Variants in ICA1L observed in about 807,000 individuals in gnomAD.
The protein encoded by ICA1L is islet cell autoantigen 1 like.
Under a neutral mutation model 61.3 loss-of-function variants are expected in ICA1L, and 50 were observed. That is an observed-to-expected ratio of 0.82 (90% confidence interval 0.65 to 1.03). The LOEUF is 1.03. Ranked by LOEUF, ICA1L falls within the 50% of genes least tolerant of loss-of-function variation. The pLI is 0.00. For synonymous variants in ICA1L, 161 were observed against 191.3 expected (o/e 0.84, Z 1.31); for missense variants, 508 against 556.7 (o/e 0.91, Z 0.88).
intron 1 of ICA1L, among the ~76,000 whole-genome samples, chr2:202,831,749 G>T (rs1478611894): frequency 6.6e-6 from 1 of 152,216 alleles, no homozygotes; most frequent in Non-Finnish European, 1.5e-5. Flanking sequence ...AAGGGAGAAA[G>T]TGACTGGGAG....
intron 9 of ICA1L, among the ~76,000 whole-genome samples, chr2:202,802,192 T>C (rs1693103252): frequency 6.6e-6 from 1 of 152,152 alleles, no homozygotes; most frequent in African/African-American, 2.4e-5. Context: ...CCTCGATGTA[T>C]ACATTAAACA....
intron 1 of ICA1L, among the ~76,000 whole-genome samples, chr2:202,866,666 G>C (rs1240088151): frequency 6.6e-6 from 1 of 152,110 alleles, no homozygotes; most frequent in South Asian, 2.1e-4. Context: ...TAAAACTCCC[G>C]GCGAGGCGCG....
chr2:202,803,569 C>G (rs1213290330), intron 9 of ICA1L, among the ~76,000 whole-genome samples: 1 of 152,118 alleles, frequency 6.6e-6, no homozygotes, highest in East Asian at 1.9e-4. Flanking sequence ...GGTTGTCACT[C>G]TGTCGACCAT....
In ICA1L at chr2:202,788,733, TC is replaced by T. The variant is rs1222110747; in HGVS notation, c.1243+96del. 6 of 1,268,080 alleles carry T rather than the reference TC, an allele frequency of 4.7e-6. No homozygotes were observed. In the African/African-American group the frequency reaches 9.1e-5, roughly 19 times the overall value. 78.6% of individuals were successfully genotyped at this position (1,268,080 alleles called of 1,614,324 possible). A position where few individuals can be genotyped will look rare whatever the true frequency, so the allele number is the denominator to read the frequency against. On this transcript the variant is annotated intron_variant, in intron 11 of 12. Coordinates refer to ENST00000358299, the MANE Select transcript of ICA1L (RefSeq NM_001288622.3). ...TTATCTAGTAGTGCTGACATTAAAA[TC>T]AATCTGCTTGTTGGTTCTAGCATCA...
At chr2:202,836,480 G>A (rs1461392410) in intron 1 of ICA1L, among the ~76,000 whole-genome samples, 1 of 152,100 alleles carries the variant, frequency 6.6e-6, no homozygotes, top group East Asian at 1.9e-4. Flanking sequence ...TGCTTTTCTT[G>A]TACTGTTTTT....
intron 8 of ICA1L, among the ~76,000 whole-genome samples, chr2:202,812,366 C>T (rs978414490): frequency 3.9e-5 from 6 of 152,126 alleles, no homozygotes; most frequent in Admixed American, 1.3e-4. Flanking sequence ...ATCACGAGGT[C>T]AGGAATTCGA....
chr2:202,862,553 T>C (rs1397003056), intron 1 of ICA1L, among the ~76,000 whole-genome samples: 3 of 152,106 alleles, frequency 2.0e-5, no homozygotes, highest in Non-Finnish European at 2.9e-5. Flanking sequence ...TCTAAATAAA[T>C]AGGCCAGGCA....
chr2:202,840,046 CATT>C (rs1042903994), intron 1 of ICA1L, among the ~76,000 whole-genome samples: 3 of 141,922 alleles, frequency 2.1e-5, no homozygotes, highest in Non-Finnish European at 3.0e-5. Flanking sequence ...TTATTGTAGC[CATT>C]ATTATTATTT....
intron 1 of ICA1L, among the ~76,000 whole-genome samples, chr2:202,850,353 C>T (rs1449433485): frequency 6.6e-6 from 1 of 152,108 alleles, no homozygotes; most frequent in Non-Finnish European, 1.5e-5. Flanking sequence ...GCTAAAGGAG[C>T]ATGTTCTAAC....
intron 1 of ICA1L, among the ~76,000 whole-genome samples, chr2:202,850,737 T>G (rs915262716): frequency 6.6e-6 from 1 of 152,154 alleles, no homozygotes; most frequent in East Asian, 1.9e-4. Context: ...CGAGGAGAAC[T>G]TCCCCAACCT....
rs2105809034 is a variant in ICA1L, at chr2:202,776,071, C to G, written c.*3462G>C. 6.6e-6 allele frequency: 1 copy of G among 152,306 alleles called. No individual in the cohort carries two copies. The highest frequency in any genetic ancestry group is 1.9e-4 in the East Asian group (1 of 5,192). 9.4% of individuals were successfully genotyped at this position (152,306 alleles called of 1,614,324 possible). A position where few individuals can be genotyped will look rare whatever the true frequency, so the allele number is the denominator to read the frequency against. On this transcript the variant is annotated 3_prime_UTR_variant, in exon 13 of 13. Transcript: ENST00000358299. ...CTAATGCTGTAAGACCTCTACATTT[C>G]TAGATGGTCTATACAGATACGTGAA...
intron 12 of ICA1L, 101 bp from the exon 13 acceptor site, chr2:202,779,749 G>A: frequency 6.4e-6 from 4 of 622,902 alleles, no homozygotes; most frequent in South Asian, 2.3e-5. Context: ...TTTGGATTAA[G>A]AAAAAATTAA....
intron 11 of ICA1L, among the ~76,000 whole-genome samples, chr2:202,788,118 C>T (rs1435540064): frequency 6.6e-6 from 1 of 152,194 alleles, no homozygotes; most frequent in Non-Finnish European, 1.5e-5. Context: ...GGTTTTATCC[C>T]TGGAAACCAT....
intron 9 of ICA1L, among the ~76,000 whole-genome samples, chr2:202,797,774 G>A (rs895536852): frequency 6.6e-6 from 1 of 152,050 alleles, no homozygotes; most frequent in Non-Finnish European, 1.5e-5. Flanking sequence ...CTCCTGCCTC[G>A]GCCTCCCAAA....
At chr2:202,809,841 C>T (rs1025477579) in intron 9 of ICA1L, among the ~76,000 whole-genome samples, 58 of 151,838 alleles carry the variant, frequency 3.8e-4, no homozygotes, top group Admixed American at 5.3e-4. Context: ...CCTACAGGAT[C>T]TAGAAGATAG....
Position 202,828,993 on chromosome 2 carries a change from T to C in ICA1L, c.17A>G (p.Gln6Arg), listed in dbSNP as rs368003306. 4 of 1,580,978 alleles carry C rather than the reference T, an allele frequency of 2.5e-6. No individual in the cohort carries two copies. Among genetic ancestry groups the C allele is most frequent in the Non-Finnish European group, 3.4e-6 (4 of 1,167,986 alleles). The change falls in exon 2 of 13, where the codon CAA becomes CGA. Residue 6 changes from glutamine to arginine, a missense_variant. Coordinates refer to ENST00000358299, the MANE Select transcript of ICA1L (RefSeq NM_001288622.3). The part of the protein sequence containing the change: MDSFG[Q>R]PRPEDNQSVV... ...TGACTGATTATCTTCTGGTCTGGGT[T>C]GCCCAAAGGAATCCATGGAGTGACT...
intron 1 of ICA1L, among the ~76,000 whole-genome samples, chr2:202,861,735 A>G (rs929667441): frequency 6.6e-6 from 1 of 151,916 alleles, no homozygotes; most frequent in Non-Finnish European, 1.5e-5. Context: ...AAAAACAAAA[A>G]TTAGCTGGGT....
At chr2:202,858,773 T>C (rs1336450361) in intron 1 of ICA1L, among the ~76,000 whole-genome samples, 3 of 152,224 alleles carry the variant, frequency 2.0e-5, no homozygotes, top group African/African-American at 7.2e-5. Context: ...TGTGTTACAG[T>C]TGCGTACGGT....
rs1692224830 is a variant in ICA1L, at chr2:202,776,399, T to C, written c.*3134A>G. 1 of 151,812 alleles carries C rather than the reference T, an allele frequency of 6.6e-6. No homozygotes were observed. The highest frequency in any genetic ancestry group is 2.4e-5 in the African/African-American group (1 of 41,076). The allele number at this position is 151,812 out of a possible 1,614,324, so 9.4% of individuals were successfully genotyped here. ...CCCATTTAACATAAAAAATATCTAT[T>C]TTGAGGGTTGTTCTCAGCCTACCAT... On this transcript the variant is annotated 3_prime_UTR_variant, in exon 13 of 13. Coordinates refer to ENST00000358299, the MANE Select transcript of ICA1L (RefSeq NM_001288622.3).
Sources: gnomAD v4.1 joint callset for allele counts (sites outside exome capture counted in the v4.1 genomes callset) on GRCh38, gnomAD v4.1.1 for gene constraint, MANE v1.5 for transcripts, NCBI Gene and HGNC (gene_info 2026-07-23, HGNC 2026-07-21) for gene names.